CSNK1D: variants seen among roughly 807,000 people sequenced by gnomAD.
CSNK1D encodes casein kinase I isoform delta.
Under a neutral mutation model 46.6 loss-of-function variants are expected in CSNK1D, and 16 were observed. That is an observed-to-expected ratio of 0.34 (90% CI 0.23 to 0.52). The LOEUF (loss-of-function observed/expected upper bound fraction) is 0.52, where lower values mean the gene tolerates loss of function less well. CSNK1D is among the 20% of genes least tolerant of loss of function. The probability of loss-of-function intolerance (pLI) is 0.95; values close to 1 mark genes in which losing one functional copy is unlikely to be tolerated. For missense variants in CSNK1D, 398 were observed against 578.4 expected (o/e 0.69, Z 3.20); for synonymous variants, 276 against 228.2 (o/e 1.21, Z -1.89).
At chr17:82,253,315 C>T (rs908512804) in intron 3 of CSNK1D, 71 bp from the exon 4 acceptor site, 13 of 1,158,496 alleles carry the variant, frequency 1.1e-5, no homozygotes, top group South Asian at 7.3e-5. Context: ...AACTGTGGGA[C>T]ACTACATCAG....
downstream of CSNK1D, among the ~76,000 whole-genome samples, chr17:82,241,733 G>A (rs531127998): frequency 2.5e-4 from 38 of 152,348 alleles, no homozygotes; most frequent in African/African-American, 8.4e-4. Flanking sequence ...GGGAAGGCCC[G>A]GAAGCCAGCT....
chr17:82,266,554 CT>C (rs1175626888), intron 1 of CSNK1D, among the ~76,000 whole-genome samples: 2 of 152,210 alleles, frequency 1.3e-5, no homozygotes, highest in African/African-American at 4.8e-5. Context: ...TGTTCCATCT[CT>C]GCTTTACTCC....
Position 82,255,917 on chromosome 17 carries a change from G to C in CSNK1D, c.188-340C>G, listed in dbSNP as rs1246990102. Among the ~76,000 whole-genome samples, 2 of 152,212 alleles carry C rather than the reference G, an allele frequency of 1.3e-5. No individual in the cohort carries two copies. The highest frequency in any genetic ancestry group is 4.8e-5 in the African/African-American group (2 of 41,450). Reference sequence around the variant, plus strand: ...CAGCCACGATGTGGGAAAGAAAAGAGCTCAGGCATAAAGGAGCAGCAGAGC... The same window carrying C: ...CAGCCACGATGTGGGAAAGAAAAGACCTCAGGCATAAAGGAGCAGCAGAGC... On this transcript the variant is annotated intron_variant, in intron 2 of 8. Transcript: ENST00000314028. The surrounding 1 kb of genome is among the most constrained non-coding windows in gnomAD (Gnocchi z 5.9).
Position 82,244,126 on chromosome 17 carries a change from C to CA in CSNK1D, c.*654dup, listed in dbSNP as rs969178772. ...CGCCAAAATCAGGTTGAAGAGGTCCCACCACACACGGGCACACACACACAC... is the reference window on the plus strand; with the variant it reads ...CGCCAAAATCAGGTTGAAGAGGTCCCAACCACACACGGGCACACACACACAC... On this transcript the variant is annotated 3_prime_UTR_variant, in exon 9 of 9. Transcript: ENST00000314028. 1.0e-5 allele frequency: 10 copies of CA among 993,466 alleles called. No individual in the cohort carries two copies. The African/African-American group carries it at 1.7e-4, about 17-fold the overall frequency. The allele number at this position is 993,466 out of a possible 1,614,324, so 61.5% of individuals were successfully genotyped here.
chr17:82,273,626 G>A lies in CSNK1D; in HGVS notation c.-245C>T. The A allele has an allele frequency of 1.8e-6, 1 of 549,534 alleles. No individual in the cohort carries two copies. The highest frequency in any genetic ancestry group is 3.2e-6 in the Non-Finnish European group (1 of 313,944). The allele number at this position is 549,534 out of a possible 1,614,324, so 34.0% of individuals were successfully genotyped here. ...TACCGGTCCCGCTTGCCCTCTCCCC[G>A]CCGCGGATGGACTCGGATCTTCCGG... On this transcript the variant is annotated 5_prime_UTR_variant, in exon 1 of 9. Coordinates refer to ENST00000314028, the MANE Select transcript of CSNK1D (RefSeq NM_001893.6). This position sits in a 1 kb window ranked among gnomAD's most constrained non-coding sequence, Gnocchi z 5.1.
At position 82,249,007 on chromosome 17, in the gene CSNK1D, G is replaced by T; in HGVS notation, c.1065C>A (p.Thr355=). The T allele has an allele frequency of 6.4e-7, 1 of 1,559,250 alleles. No homozygotes were observed. Among genetic ancestry groups the T allele is most frequent in the Non-Finnish European group, 8.7e-7 (1 of 1,150,826 alleles). ...PLTPTSHTAN[T]SPRPVSGMER... is the part of the protein sequence containing the mutation. Reference sequence around the variant, plus strand: ...CCATGCCGGAGACGGGCCGGGGGGAGGTGTTAGCTGAGGACAGGGAGAGAA... The same window carrying T: ...CCATGCCGGAGACGGGCCGGGGGGATGTGTTAGCTGAGGACAGGGAGAGAA... Residue 355 remains threonine, a synonymous_variant, in exon 8 of 9, where the codon ACC becomes ACA. Transcript: ENST00000314028. The surrounding 1 kb of genome is among the most constrained non-coding windows in gnomAD (Gnocchi z 6.7).
At chr17:82,265,520 A>C (rs2051446666) in intron 2 of CSNK1D, 166 bp downstream of exon 2, 4 of 675,910 alleles carry the variant, frequency 5.9e-6, no homozygotes, top group Non-Finnish European at 1.1e-5. Flanking sequence ...CTCTGGACCC[A>C]AGACTCTCTG....
chr17:82,265,393 A>G, intron 2 of CSNK1D: 1 of 403,026 alleles, frequency 2.5e-6, no homozygotes, highest in Non-Finnish European at 4.7e-6. Context: ...TGGCCAGGCT[A>G]GTCTCAAACT....
intron 1 of CSNK1D, among the ~76,000 whole-genome samples, chr17:82,268,318 C>A (rs1296208950): frequency 1.3e-5 from 2 of 152,180 alleles, no homozygotes; most frequent in Non-Finnish European, 2.9e-5. Flanking sequence ...TCCCACCTCG[C>A]CCACCGGGGG....
In CSNK1D at chr17:82,255,381, T is replaced by G; in HGVS notation, c.336+48A>C. 1 of 1,607,386 alleles carries G rather than the reference T, an allele frequency of 6.2e-7. No individual in the cohort carries two copies. Among genetic ancestry groups the G allele is most frequent in the South Asian group, 1.1e-5 (1 of 90,968 alleles). Reference sequence around the variant, plus strand: ...AAGAACAGCACAAGCGAGTGGCTGATTCTATCAGACAGCAAGTGTGTGCCA... The same window carrying G: ...AAGAACAGCACAAGCGAGTGGCTGAGTCTATCAGACAGCAAGTGTGTGCCA... On this transcript the variant is annotated intron_variant, in intron 3 of 8. Coordinates refer to ENST00000314028, the MANE Select transcript of CSNK1D (RefSeq NM_001893.6). This position sits in a 1 kb window ranked among gnomAD's most constrained non-coding sequence, Gnocchi z 5.9.
At chr17:82,268,117 C>T (rs535811494) in intron 1 of CSNK1D, among the ~76,000 whole-genome samples, 60 of 152,356 alleles carry the variant, frequency 3.9e-4, no homozygotes, top group African/African-American at 1.4e-3. Flanking sequence ...CGAGTCTCTA[C>T]AGGGGAGTAG....
chr17:82,251,741 A>C lies in CSNK1D; in HGVS notation c.737-214T>G. ...TGCGGCGGCTCACGCCTGTCACCCC[A>C]GCACTCTAGGAGGCTGAGGAGGGCG... On this transcript the variant is annotated intron_variant, in intron 5 of 8. Coordinates refer to ENST00000314028, the MANE Select transcript of CSNK1D (RefSeq NM_001893.6). The surrounding 1 kb of genome is among the most constrained non-coding windows in gnomAD (Gnocchi z 4.5). The C allele has an allele frequency of 3.3e-6, 2 of 607,524 alleles. No homozygotes were observed. Among genetic ancestry groups the C allele is most frequent in the Non-Finnish European group, 6.0e-6 (2 of 332,262 alleles). The allele number at this position is 607,524 out of a possible 1,614,324, so 37.6% of individuals were successfully genotyped here. A position where few individuals can be genotyped will look rare whatever the true frequency, so the allele number is the denominator to read the frequency against.
intron 8 of CSNK1D, 81 bp from the exon 9 acceptor site, chr17:82,244,912 G>A: frequency 3.2e-6 from 5 of 1,584,880 alleles, no homozygotes; most frequent in Non-Finnish European, 3.5e-6. Context: ...ACGGTGCTGG[G>A]CAGGGAGGGG....
In CSNK1D at chr17:82,255,032, T is replaced by TCTCGAGAAGCCAGTGAGCTGAGCCGC. The variant is rs2051138062; in HGVS notation, c.336+396_336+397insGCGGCTCAGCTCACTGGCTTCTCGAG. 1 of 107,238 alleles carries TCTCGAGAAGCCAGTGAGCTGAGCCGC rather than the reference T, an allele frequency of 9.3e-6. No homozygotes were observed. Among genetic ancestry groups the TCTCGAGAAGCCAGTGAGCTGAGCCGC allele is most frequent in the African/African-American group, 8.1e-5 (1 of 12,394 alleles). 6.6% of individuals were successfully genotyped at this position (107,238 alleles called of 1,614,324 possible). A position where few individuals can be genotyped will look rare whatever the true frequency, so the allele number is the denominator to read the frequency against. On this transcript the variant is annotated intron_variant, in intron 3 of 8. Coordinates refer to ENST00000314028, the MANE Select transcript of CSNK1D (RefSeq NM_001893.6). This position sits in a 1 kb window ranked among gnomAD's most constrained non-coding sequence, Gnocchi z 5.9. The stretch of plus-strand genomic sequence containing the variant: ...CTCGAGAAGCCAGTGAGCTGAGCCG[T>TCTCGAGAAGCCAGTGAGCTGAGCCGC]CGGAGCCTCGAGAAGCCAGTGAGCT...
rs1316323448 is a variant in CSNK1D, at chr17:82,248,181, G to C, written c.1197+694C>G. 1 of 985,414 alleles carries C rather than the reference G, an allele frequency of 1.0e-6. No homozygotes were observed. The highest frequency in any genetic ancestry group is 1.2e-6 in the Non-Finnish European group (1 of 829,998). The allele number at this position is 985,414 out of a possible 1,614,324, so 61.0% of individuals were successfully genotyped here. On this transcript the variant is annotated intron_variant, in intron 8 of 8. Transcript: ENST00000314028. This position sits in a 1 kb window ranked among gnomAD's most constrained non-coding sequence, Gnocchi z 4.1. ...CCTGCCCCTGTTGGCGAACAACCCA[G>C]AAAACTATTTGAAGAAATATAATGG...
chr17:82,246,415 A>G, intron 8 of CSNK1D: 1 of 1,210,110 alleles, frequency 8.3e-7, no homozygotes, highest in South Asian at 1.6e-5. Flanking sequence ...CGGTACGACG[A>G]CAGGGCTCAG....
intron 2 of CSNK1D, among the ~76,000 whole-genome samples, chr17:82,261,616 T>C (rs1005407431): frequency 3.9e-5 from 6 of 152,188 alleles, no homozygotes; most frequent in African/African-American, 1.4e-4. Context: ...AAGTTTCTTG[T>C]AGGATGACAA....
chr17:82,252,287 C>T lies in CSNK1D; in HGVS notation c.736+147G>A, dbSNP rs1568563273. The T allele has an allele frequency of 3.3e-6, 3 of 918,224 alleles. No individual in the cohort carries two copies. The highest frequency in any genetic ancestry group is 1.6e-5 in the African/African-American group (1 of 61,438). 56.9% of individuals were successfully genotyped at this position (918,224 alleles called of 1,614,324 possible). On this transcript the variant is annotated intron_variant, in intron 5 of 8. Transcript: ENST00000314028. The surrounding 1 kb of genome is among the most constrained non-coding windows in gnomAD (Gnocchi z 4.6). ...AGGAGGGCAGGCTGTTACCTCCATA[C>T]ACAAAAGCGCCCCGCTTTCCTGCCA...
chr17:82,260,345 CTGA>C (rs2051300078), intron 2 of CSNK1D, among the ~76,000 whole-genome samples: 1 of 123,658 alleles, frequency 8.1e-6, no homozygotes, highest in African/African-American at 2.9e-5. Context: ...GGTGTACTGA[CTGA>C]TGTGACTGAT....
Sources: gnomAD v4.1 joint callset for allele counts (sites outside exome capture counted in the v4.1 genomes callset) on GRCh38, gnomAD v4.1.1 for gene constraint, Gnocchi (gnomAD v3.1) non-coding constraint, MANE v1.5 for transcripts, NCBI Gene and HGNC (gene_info 2026-07-23, HGNC 2026-07-21) for gene names.